The following LHFPL6 variants were observed in gnomAD, a reference collection of about 807,000 sequenced individuals.
The protein encoded by LHFPL6 is LHFPL tetraspan subfamily member 6.
A neutral mutation model predicts 20.6 loss-of-function variants in LHFPL6; 9 were observed. The observed-to-expected ratio is 0.44, with a 90% confidence interval of 0.26 to 0.76. The LOEUF is 0.76. Among genes scored for constraint, LHFPL6 ranks in the 30% least tolerant of loss-of-function variants. The pLI is 0.20. For missense variants in LHFPL6, 218 were observed against 253.5 expected (o/e 0.86, Z 0.95); for synonymous variants, 105 against 98.7 (o/e 1.06, Z -0.38).
chr13:39,417,605 T>C (rs915827263), intron 2 of LHFPL6, among the ~76,000 whole-genome samples: 1 of 152,220 alleles, frequency 6.6e-6, no homozygotes, highest in African/African-American at 2.4e-5. Context: ...AAAAATTCAT[T>C]AGCTGAATTA....
At chr13:39,563,583 T>C (rs2138523549) in intron 2 of LHFPL6, among the ~76,000 whole-genome samples, 1 of 152,266 alleles carries the variant, frequency 6.6e-6, no homozygotes, top group South Asian at 2.1e-4. Context: ...GCAGAATCAT[T>C]GCATATTTTA....
At chr13:39,550,117 A>T (rs1270135111) in intron 2 of LHFPL6, among the ~76,000 whole-genome samples, 1 of 152,168 alleles carries the variant, frequency 6.6e-6, no homozygotes, top group Non-Finnish European at 1.5e-5. Context: ...TTTAAAGGGG[A>T]AATTGTATGA....
At chr13:39,526,577 T>C (rs542018763) in intron 2 of LHFPL6, among the ~76,000 whole-genome samples, 5 of 152,366 alleles carry the variant, frequency 3.3e-5, no homozygotes, top group Non-Finnish European at 7.3e-5. Context: ...ACCGGTCTAG[T>C]GCTCTGATGT....
At chr13:39,411,288 G>A (rs1312378295) in intron 2 of LHFPL6, among the ~76,000 whole-genome samples, 2 of 152,136 alleles carry the variant, frequency 1.3e-5, no homozygotes, top group Admixed American at 6.5e-5. Context: ...TTGGCAAAAC[G>A]GGTATAAGAG....
chr13:39,394,695 T>C (rs2099744173), intron 2 of LHFPL6, among the ~76,000 whole-genome samples: 1 of 152,160 alleles, frequency 6.6e-6, no homozygotes. Flanking sequence ...TTAGAAGATA[T>C]TTTGGGTTTA....
At chr13:39,567,603 C>A (rs533002639) in intron 2 of LHFPL6, among the ~76,000 whole-genome samples, 1 of 152,094 alleles carries the variant, frequency 6.6e-6, no homozygotes, top group Non-Finnish European at 1.5e-5. Context: ...CCTCTTCTAC[C>A]TTTTCCTTCC....
chr13:39,578,526 C>G (rs570577124), intron 2 of LHFPL6, among the ~76,000 whole-genome samples: 4 of 152,216 alleles, frequency 2.6e-5, no homozygotes, highest in East Asian at 3.9e-4. Context: ...GTGATGGACA[C>G]AAGAAGTGAC....
At chr13:39,547,246 T>G (rs1433828585) in intron 2 of LHFPL6, among the ~76,000 whole-genome samples, 1 of 152,134 alleles carries the variant, frequency 6.6e-6, no homozygotes, top group Non-Finnish European at 1.5e-5. Context: ...TCTCCCAAGA[T>G]AGAGTTACAG....
intron 2 of LHFPL6, among the ~76,000 whole-genome samples, chr13:39,471,793 A>ATGGCATAGAATTCAAATTTATGGCAT (rs1378853538): frequency 6.6e-6 from 1 of 152,234 alleles, no homozygotes; most frequent in Non-Finnish European, 1.5e-5. Flanking sequence ...ATTTGAATTT[A>ATGGCATAGAATTCAAATTTATGGCAT]TTCTTGTAGG....
chr13:39,374,915 T>A (rs1870247949), intron 3 of LHFPL6, among the ~76,000 whole-genome samples: 2 of 152,214 alleles, frequency 1.3e-5, no homozygotes. Context: ...TCCATAAATA[T>A]TTGTTGGCTG....
chr13:39,514,762 T>TATA, intron 2 of LHFPL6, among the ~76,000 whole-genome samples: 1 of 152,206 alleles, frequency 6.6e-6, no homozygotes. Flanking sequence ...TGCACTTACA[T>TATA]ATAAAAGAAA....
intron 2 of LHFPL6, among the ~76,000 whole-genome samples, chr13:39,423,295 G>C (rs1305992012): frequency 2.0e-5 from 3 of 152,176 alleles, no homozygotes; most frequent in Non-Finnish European, 2.9e-5. Context: ...TGCTTCAGGA[G>C]TATTTGAAGC....
rs966137983 is a variant in LHFPL6, at chr13:39,456,946, G to A, written c.386-78420C>T. On this transcript the variant is annotated intron_variant, in intron 2 of 3. Coordinates refer to ENST00000379589, the MANE Select transcript of LHFPL6 (RefSeq NM_005780.3). ...CAAGAAGCTGGGACTACAGGCATGA[G>A]CCACCACGCCCGGCTAATTTTTTTT... Among the ~76,000 whole-genome samples the A allele has an allele frequency of 3.3e-5, 5 of 152,146 alleles. No individual in the cohort carries two copies. In the East Asian group the frequency reaches 5.8e-4, roughly 18 times the overall value.
intron 2 of LHFPL6, among the ~76,000 whole-genome samples, chr13:39,461,729 G>C (rs1377816058): frequency 6.6e-6 from 1 of 152,088 alleles, no homozygotes; most frequent in Non-Finnish European, 1.5e-5. Flanking sequence ...GAAGGTGAAG[G>C]GACAGCTGGG....
At chr13:39,430,260 GAAGA>G (rs1437843994) in intron 2 of LHFPL6, among the ~76,000 whole-genome samples, 1 of 152,212 alleles carries the variant, frequency 6.6e-6, no homozygotes. Context: ...GCCATCAGCT[GAAGA>G]AAGTTGACTC....
rs192976684 is a variant in LHFPL6, at chr13:39,363,201, G to T, written c.484+15227C>A. Among the ~76,000 whole-genome samples, 68 of 152,340 alleles carry T rather than the reference G, an allele frequency of 4.5e-4. 1 individual carries two copies. Among genetic ancestry groups the T allele is most frequent in the South Asian group, 2.7e-3 (13 of 4,830 alleles). ...CTCCTGGCAAGACAGGAAGGCAGAA[G>T]GGATGGGAGGCAGGGATTAGAGGAA... On this transcript the variant is annotated intron_variant, in intron 3 of 3. Coordinates refer to ENST00000379589, the MANE Select transcript of LHFPL6 (RefSeq NM_005780.3).
chr13:39,446,295 C>T (rs1353948208), intron 2 of LHFPL6, among the ~76,000 whole-genome samples: 1 of 152,188 alleles, frequency 6.6e-6, no homozygotes, highest in Non-Finnish European at 1.5e-5. Context: ...GACTCCCATC[C>T]TCTCCTGTGC....
intron 2 of LHFPL6, among the ~76,000 whole-genome samples, chr13:39,456,860 G>A (rs1226384931): frequency 1.3e-5 from 2 of 151,496 alleles, no homozygotes; most frequent in East Asian, 1.9e-4. Context: ...GCAATGGCGT[G>A]ATCTCGGCTC....
rs180975133 is a variant in LHFPL6 at position 39,585,624 on chromosome 13, C to A, written c.385+15208G>T. Among the ~76,000 whole-genome samples, 11 of 152,242 alleles carry A rather than the reference C, an allele frequency of 7.2e-5. No individual in the cohort carries two copies. In the East Asian group the frequency reaches 2.1e-3, roughly 29 times the overall value. ...GTTGATAAATAACATTCATTTATTT[C>A]TTTATAAGTAAAATATAAGTATAAT... On this transcript the variant is annotated intron_variant, in intron 2 of 3. Transcript: ENST00000379589.
Sources: gnomAD v4.1 joint callset for allele counts (sites outside exome capture counted in the v4.1 genomes callset) on GRCh38, gnomAD v4.1.1 for gene constraint, MANE v1.5 for transcripts, NCBI Gene and HGNC (gene_info 2026-07-23, HGNC 2026-07-21) for gene names.